DIP2C: variants seen among roughly 807,000 people sequenced by gnomAD.
DIP2C encodes disco-interacting protein 2 homolog C.
A neutral mutation model predicts 192.4 loss-of-function variants in DIP2C; 33 were observed. That is an observed-to-expected ratio of 0.17 (90% confidence interval 0.13 to 0.23). DIP2C has a LOEUF of 0.23. DIP2C is among the 10% of genes least tolerant of loss of function. DIP2C has a pLI of 1.00. For missense variants in DIP2C, 1,537 were observed against 2,110.1 expected, an observed-to-expected ratio of 0.73 and a Z score of 5.32; for synonymous variants, 979 against 864.1, an observed-to-expected ratio of 1.13 and a Z score of -2.33.
intron 1 of DIP2C, among the ~76,000 whole-genome samples, chr10:505,014 A>G (rs534914370): frequency 3.0e-4 from 46 of 152,130 alleles, no homozygotes; most frequent in African/African-American, 1.0e-3. Flanking sequence ...ACCGCCGTGA[A>G]CCCGCGGGAT....
chr10:341,464 G>A (rs12243453), intron 28 of DIP2C, 135 bp from the exon 29 acceptor site: 73,117 of 1,296,676 alleles, frequency 0.056, 3,192 homozygotes, highest in East Asian at 0.19. Flanking sequence ...GGGACAATAC[G>A]GGGCTGCACT....
At chr10:422,692 G>A in intron 5 of DIP2C, 132 bp downstream of exon 5, 1 of 1,108,444 alleles carries the variant, frequency 9.0e-7, no homozygotes, top group Non-Finnish European at 1.3e-6. Flanking sequence ...TCCAGCCAAA[G>A]CACCCCAGGG....
rs568755963 is a variant in DIP2C, at chr10:608,918, TGACTAATATACAAAG to T, written c.85+80561_85+80575del. Among the ~76,000 whole-genome samples the T allele has an allele frequency of 7.9e-5, 12 of 151,672 alleles. No homozygotes were observed. The East Asian group carries it at 2.4e-3, about 30-fold the overall frequency. On this transcript the variant is annotated intron_variant, in intron 1 of 36. Coordinates refer to ENST00000280886, the MANE Select transcript of DIP2C (RefSeq NM_014974.3). ...GCAAGTGGTTCTCATTACAGTGATT[TGACTAATATACAAAG>T]GACCCCAACACATGGCACAATGTCT... is the stretch of plus-strand genomic sequence containing the variant.
intron 1 of DIP2C, among the ~76,000 whole-genome samples, chr10:611,677 C>CCA (rs1564268350): frequency 2.0e-5 from 3 of 152,270 alleles, no homozygotes; most frequent in East Asian, 3.9e-4. Context: ...TCCATCTTCC[C>CCA]CACTCACTGA....
chr10:599,383 CTT>C (rs1256822379), intron 1 of DIP2C, among the ~76,000 whole-genome samples: 3 of 152,216 alleles, frequency 2.0e-5, no homozygotes, highest in Non-Finnish European at 4.4e-5. Context: ...CAAGCAATCT[CTT>C]TGCAATCAAA....
chr10:338,414 G>A (rs887422021), intron 29 of DIP2C, among the ~76,000 whole-genome samples: 3 of 144,524 alleles, frequency 2.1e-5, no homozygotes, highest in African/African-American at 5.0e-5. Context: ...CATGGGAAAT[G>A]CCCTACACAG....
chr10:376,171 G>A (rs1961555776), intron 17 of DIP2C, among the ~76,000 whole-genome samples: 1 of 152,216 alleles, frequency 6.6e-6, no homozygotes, highest in African/African-American at 2.4e-5. Flanking sequence ...CTACAGACGA[G>A]GAATCCTCAA....
chr10:329,534 G>A lies in DIP2C; in HGVS notation c.3652C>T (p.Leu1218Phe). The A allele has an allele frequency of 6.2e-7, 1 of 1,614,216 alleles. No individual in the cohort carries two copies. The highest frequency in any genetic ancestry group is 8.5e-7 in the Non-Finnish European group (1 of 1,180,038). ...ACTTTGTACTGACTCACGGCAAGAA[G>A]CCACAAGGCGGGGTTGGTTTCCAGC... Reference protein sequence around the residue: ...SELETNPALWLLAVSQYKVRD... With the variant: ...SELETNPALWFLAVSQYKVRD... The change falls in exon 30 of 37, where the codon CTT becomes TTT. Residue 1218 changes from leucine to phenylalanine, a missense_variant. By Grantham distance (22) the Leu-to-Phe change is conservative. Around this residue, in one of 4 missense-constraint regions of DIP2C, gnomAD observed 341 missense variants for 551.7 expected, o/e 0.62. Coordinates refer to ENST00000280886, the MANE Select transcript of DIP2C (RefSeq NM_014974.3).
intron 1 of DIP2C, among the ~76,000 whole-genome samples, chr10:583,377 C>T (rs1302775173): frequency 6.6e-6 from 1 of 152,214 alleles, no homozygotes; most frequent in East Asian, 1.9e-4. Context: ...CCCAGGGAGC[C>T]TGTTTGGTAC....
Position 369,509 on chromosome 10 carries a change from G to A in DIP2C, c.2116C>T (p.Leu706Phe), listed in dbSNP as rs758171704. 5 of 1,550,526 alleles carry A rather than the reference G, an allele frequency of 3.2e-6. No homozygotes were observed. The South Asian group carries it at 5.0e-5, about 16-fold the overall frequency. The stretch of plus-strand genomic sequence containing the variant: ...CCACACTCACCTCCAGGCATCACGA[G>A]GCCGACATCCTGCACGGTGAGCACG... ...LSVLTVQDVG[L>F]VMPGAIMCSV... The change falls in exon 18 of 37, where the codon CTC (leucine) becomes TTC (phenylalanine). Residue 706 changes from leucine to phenylalanine, a missense_variant. Leu to Phe is a conservative substitution (Grantham distance 22). Transcript: ENST00000280886.
chr10:454,478 T>C (rs1441744106), intron 3 of DIP2C, among the ~76,000 whole-genome samples: 1 of 151,568 alleles, frequency 6.6e-6, no homozygotes, highest in African/African-American at 2.4e-5. Flanking sequence ...GTATGCTTGA[T>C]GTCATTATTG....
intron 1 of DIP2C, among the ~76,000 whole-genome samples, chr10:577,240 C>T (rs1015855729): frequency 6.6e-6 from 1 of 152,206 alleles, no homozygotes; most frequent in African/African-American, 2.4e-5. Flanking sequence ...GAATGACCTC[C>T]AGTTAAGTCA....
At chr10:415,388 G>A (rs1366011113) in intron 7 of DIP2C, among the ~76,000 whole-genome samples, 2 of 152,206 alleles carry the variant, frequency 1.3e-5, no homozygotes, top group African/African-American at 4.8e-5. Flanking sequence ...CCTATAAGGA[G>A]AGGCAGCAGG....
intron 1 of DIP2C, among the ~76,000 whole-genome samples, chr10:674,789 T>TAGAGAGAGAGAGAGAGAG (rs1554772102): frequency 3.2e-5 from 2 of 62,484 alleles, no homozygotes; most frequent in African/African-American, 9.0e-5. Context: ...TATATATATA[T>TAGAGAGAGAGAGAGAGAG]AGAGAGAGAG....
chr10:408,192 T>C (rs997257493), intron 9 of DIP2C, among the ~76,000 whole-genome samples: 1 of 152,216 alleles, frequency 6.6e-6, no homozygotes, highest in Non-Finnish European at 1.5e-5. Context: ...CACTGTGTGT[T>C]GGAAAGGCTG....
intron 15 of DIP2C, 129 bp from the exon 16 acceptor site, chr10:384,275 T>A (rs1339253527): frequency 4.1e-5 from 16 of 387,876 alleles, no homozygotes; most frequent in Admixed American, 7.7e-5. Flanking sequence ...ACAAACCTTT[T>A]TTTTTTTTTT....
chr10:472,921 C>T (rs1235114528), intron 2 of DIP2C, among the ~76,000 whole-genome samples: 1 of 152,132 alleles, frequency 6.6e-6, no homozygotes. Context: ...ACAGAATGAG[C>T]TGTATAAGCT....
chr10:288,227 T>C, intron 33 of DIP2C, 137 bp downstream of exon 33: 2 of 839,928 alleles, frequency 2.4e-6, no homozygotes, highest in Middle Eastern at 2.3e-4. Context: ...TTTGAGTTTC[T>C]ATACTCACTG....
rs1968657750 is a variant in DIP2C at position 449,549 on chromosome 10, A to ACTC, written c.269-8554_269-8553insGAG. Reference sequence around the variant, plus strand: ...AGTGGTATGTGGCTTACTCCAGGCTAAGGAGTGAGTAAGGCAGCCTATTCT... The same window carrying ACTC: ...AGTGGTATGTGGCTTACTCCAGGCTACTCAGGAGTGAGTAAGGCAGCCTATTCT... On this transcript the variant is annotated intron_variant, in intron 3 of 36. Coordinates refer to ENST00000280886, the MANE Select transcript of DIP2C (RefSeq NM_014974.3). Among the ~76,000 whole-genome samples the ACTC allele has an allele frequency of 4.0e-5, 6 of 149,090 alleles. No individual in the cohort carries two copies. The South Asian group carries it at 1.1e-3, about 27-fold the overall frequency.
Sources: gnomAD v4.1 joint callset for allele counts (sites outside exome capture counted in the v4.1 genomes callset) on GRCh38, gnomAD v4.1.1 for gene constraint, gnomAD v4.1.1 regional missense constraint, MANE v1.5 for transcripts, NCBI Gene and HGNC (gene_info 2026-07-23, HGNC 2026-07-21) for gene names.